PRKAG2: variants seen among roughly 807,000 people sequenced by gnomAD.
PRKAG2 encodes the protein 5'-AMP-activated protein kinase subunit gamma-2.
In PRKAG2, 26 loss-of-function variants were observed where a neutral mutation model predicts 69.6. The observed-to-expected ratio is 0.37, with a 90% CI of 0.27 to 0.52. The LOEUF is 0.52. Ranked by LOEUF, PRKAG2 falls within the 20% of genes least tolerant of loss-of-function variation. The pLI is 0.90. For synonymous variants in PRKAG2, 293 were observed against 285.0 expected (o/e 1.03, Z -0.28); for missense variants, 557 against 740.0 (o/e 0.75, Z 2.87).
At chr7:151,859,536 C>T (rs11760640) in intron 1 of PRKAG2, among the ~76,000 whole-genome samples, 59,711 of 152,092 alleles carry the variant, frequency 0.39, 12,872 homozygotes, top group South Asian at 0.55. Flanking sequence ...ATGGGATTAG[C>T]GAATAGGGAA....
chr7:151,745,266 G>C (rs768661346), intron 3 of PRKAG2, among the ~76,000 whole-genome samples: 3 of 152,174 alleles, frequency 2.0e-5, no homozygotes, highest in African/African-American at 7.2e-5. Context: ...GGTCCCCTCC[G>C]CGCCGGGGAG....
rs1259101999 is a variant in PRKAG2, at chr7:151,614,687, A to T, written c.754+17382T>A. Reference sequence around the variant, plus strand: ...GCTCGCAGTGATGATCTGTGGCCCTAAGCCCACTTTGCCAGGACCGCTCCA... The same window carrying T: ...GCTCGCAGTGATGATCTGTGGCCCTTAGCCCACTTTGCCAGGACCGCTCCA... On this transcript the variant is annotated intron_variant, in intron 5 of 15. Coordinates refer to ENST00000287878, the MANE Select transcript of PRKAG2 (RefSeq NM_016203.4). The surrounding 1 kb of genome is among the most constrained non-coding windows in gnomAD (Gnocchi z 4.4). Among the ~76,000 whole-genome samples, 1 of 152,054 alleles carries T rather than the reference A, an allele frequency of 6.6e-6. No homozygotes were observed. The highest frequency in any genetic ancestry group is 6.5e-5 in the Admixed American group (1 of 15,268).
In PRKAG2 at chr7:151,780,598, C is replaced by T. The variant is rs1451390895; in HGVS notation, c.466+554G>A. On this transcript the variant is annotated intron_variant, in intron 3 of 15. Coordinates refer to ENST00000287878, the MANE Select transcript of PRKAG2 (RefSeq NM_016203.4). This position sits in a 1 kb window ranked among gnomAD's most constrained non-coding sequence, Gnocchi z 4.2. ...TGAACCTACGGAACTCTTTCTTAAACACTCACATTTCCTCCTTCCATTTCC... is the reference window on the plus strand; with the variant it reads ...TGAACCTACGGAACTCTTTCTTAAATACTCACATTTCCTCCTTCCATTTCC... Among the ~76,000 whole-genome samples the T allele has an allele frequency of 2.0e-5, 3 of 152,198 alleles. No homozygotes were observed. Among genetic ancestry groups the T allele is most frequent in the East Asian group, 3.8e-4 (2 of 5,200 alleles).
chr7:151,597,029 G>C (rs111699856), intron 5 of PRKAG2, among the ~76,000 whole-genome samples: 1 of 152,080 alleles, frequency 6.6e-6, no homozygotes, highest in Non-Finnish European at 1.5e-5. Context: ...ACTTCAAAAT[G>C]TACTACAAAG....
At chr7:151,731,489 C>T (rs1298743551) in intron 3 of PRKAG2, among the ~76,000 whole-genome samples, 1 of 151,976 alleles carries the variant, frequency 6.6e-6, no homozygotes, top group Non-Finnish European at 1.5e-5. Context: ...CCGGGGGCTG[C>T]AGGGCCTTGA....
chr7:151,716,321 G>A (rs758077200), intron 3 of PRKAG2, among the ~76,000 whole-genome samples: 8 of 152,220 alleles, frequency 5.3e-5, no homozygotes, highest in Non-Finnish European at 1.2e-4. Flanking sequence ...TGTTTGCCAA[G>A]TGAATGGATA....
intron 4 of PRKAG2, among the ~76,000 whole-genome samples, chr7:151,666,553 A>G (rs1048900557): frequency 6.6e-6 from 1 of 152,234 alleles, no homozygotes; most frequent in Non-Finnish European, 1.5e-5. Context: ...TCAGGAATTC[A>G]TGACCAGTTC....
chr7:151,724,821 G>C (rs117076300), intron 3 of PRKAG2, among the ~76,000 whole-genome samples: 6,010 of 152,242 alleles, frequency 0.039, 164 homozygotes, highest in Non-Finnish European at 0.062. Flanking sequence ...GTGGAACAGA[G>C]GGTGGCACCG....
intron 8 of PRKAG2, among the ~76,000 whole-genome samples, 185 bp from the exon 9 acceptor site, chr7:151,572,894 C>T (rs1807931102): frequency 6.6e-6 from 1 of 152,120 alleles, no homozygotes; most frequent in African/African-American, 2.4e-5. Flanking sequence ...GGGCAGATCA[C>T]CTGAGGTCAG....
chr7:151,827,203 G>A (rs1193338043), intron 1 of PRKAG2, among the ~76,000 whole-genome samples: 1 of 152,176 alleles, frequency 6.6e-6, no homozygotes, highest in East Asian at 1.9e-4. Context: ...CTGGGGTCCA[G>A]TGGGAACTGG....
chr7:151,570,338 CAAAT>C, intron 9 of PRKAG2, 113 bp from the exon 10 acceptor site: 3 of 1,233,744 alleles, frequency 2.4e-6, no homozygotes, highest in Non-Finnish European at 2.2e-6. Context: ...ATTAAAAACT[CAAAT>C]AAAAAGAAAT....
At chr7:151,628,078 A>G (rs1823453110) in intron 5 of PRKAG2, among the ~76,000 whole-genome samples, 1 of 152,216 alleles carries the variant, frequency 6.6e-6, no homozygotes, top group East Asian at 1.9e-4. Flanking sequence ...GTCTGGCAAG[A>G]CACTCTCTGC....
In PRKAG2 at chr7:151,850,745, G is replaced by C. The variant is rs1311723258; in HGVS notation, c.114+25762C>G. Among the ~76,000 whole-genome samples the C allele has an allele frequency of 6.6e-6, 1 of 152,246 alleles. No homozygotes were observed. The highest frequency in any genetic ancestry group is 1.5e-5 in the Non-Finnish European group (1 of 68,048). On this transcript the variant is annotated intron_variant, in intron 1 of 15. Coordinates refer to ENST00000287878, the MANE Select transcript of PRKAG2 (RefSeq NM_016203.4). This position sits in a 1 kb window ranked among gnomAD's most constrained non-coding sequence, Gnocchi z 4.1. ...GGGAGGAGTCAGAGGTGAGAGTCTGGTGCTCTGAGCGCTGCCTCGCAGTTG... is the reference window on the plus strand; with the variant it reads ...GGGAGGAGTCAGAGGTGAGAGTCTGCTGCTCTGAGCGCTGCCTCGCAGTTG...
chr7:151,832,597 G>GT (rs1554614847), intron 1 of PRKAG2, among the ~76,000 whole-genome samples: 1 of 150,818 alleles, frequency 6.6e-6, no homozygotes, highest in African/African-American at 2.5e-5. Flanking sequence ...GGCATCTCTG[G>GT]GGGGGGGGTC....
intron 3 of PRKAG2, among the ~76,000 whole-genome samples, chr7:151,744,714 C>T (rs1464472314): frequency 6.6e-6 from 1 of 152,174 alleles, no homozygotes; most frequent in Admixed American, 6.5e-5. Context: ...CCTCCATGCG[C>T]CTCCATTCAT....
chr7:151,664,685 T>C (rs1186496677), intron 4 of PRKAG2, among the ~76,000 whole-genome samples: 1 of 152,212 alleles, frequency 6.6e-6, no homozygotes, highest in Non-Finnish European at 1.5e-5. Context: ...TTTATTGACA[T>C]TGCCAGCCCA....
At chr7:151,645,172 C>T (rs1458437106) in intron 4 of PRKAG2, among the ~76,000 whole-genome samples, 1 of 152,172 alleles carries the variant, frequency 6.6e-6, no homozygotes, top group Admixed American at 6.5e-5. Flanking sequence ...CAGTATTCAG[C>T]ACAGGTGATG....
rs1585868844 is a variant in PRKAG2 at position 151,699,802 on chromosome 7, C to T, written c.467-24165G>A. 6.6e-6 allele frequency among the ~76,000 whole-genome samples: 1 copy of T among 152,120 alleles called. No individual in the cohort carries two copies. Among genetic ancestry groups the T allele is most frequent in the Non-Finnish European group, 1.5e-5 (1 of 68,028 alleles). On this transcript the variant is annotated intron_variant, in intron 3 of 15. Coordinates refer to ENST00000287878, the MANE Select transcript of PRKAG2 (RefSeq NM_016203.4). The surrounding 1 kb of genome is among the most constrained non-coding windows in gnomAD (Gnocchi z 4.5). ...GCTGGGACACAGCAAGGTGCTCAGG[C>T]CCTCAGAGGAGGCAGTGGGGAGGTT...
intron 1 of PRKAG2, among the ~76,000 whole-genome samples, chr7:151,845,859 G>A (rs962124934): frequency 3.3e-5 from 5 of 152,224 alleles, no homozygotes; most frequent in Non-Finnish European, 5.9e-5. Context: ...ATTAGCCCCA[G>A]AGTCTGCCGC....
Sources: allele counts gnomAD v4.1 joint callset (sites outside exome capture counted in the v4.1 genomes callset), GRCh38; gene constraint gnomAD v4.1.1; non-coding constraint Gnocchi (gnomAD v3.1); transcripts MANE v1.5; gene names NCBI Gene and HGNC (gene_info 2026-07-23, HGNC 2026-07-21).